NECAB1: variants seen among roughly 807,000 people sequenced by gnomAD.
NECAB1 encodes the protein N-terminal EF-hand calcium-binding protein 1.
Under a neutral mutation model 57.5 loss-of-function variants are expected in NECAB1, and 29 were observed. That is an observed-to-expected ratio of 0.50 (90% CI 0.38 to 0.69). The LOEUF (loss-of-function observed/expected upper bound fraction) is 0.69, where lower values mean the gene tolerates loss of function less well. Among genes scored for constraint, NECAB1 ranks in the 30% least tolerant of loss-of-function variants. The probability of loss-of-function intolerance (pLI) is 0.00; values close to 1 mark genes in which losing one functional copy is unlikely to be tolerated. For missense variants in NECAB1, 372 were observed against 413.8 expected (o/e 0.90, Z 0.88); for synonymous variants, 142 against 147.7 (o/e 0.96, Z 0.28).
At chr8:90,813,129 A>G (rs1346943933) in intron 2 of NECAB1, 2 of 152,172 alleles carry the variant, frequency 1.3e-5, no homozygotes, top group Non-Finnish European at 2.9e-5. Context: ...CGGAGCTTTC[A>G]GTGAGCTGAG....
intron 5 of NECAB1, among the ~76,000 whole-genome samples, chr8:90,911,811 C>T (rs1298689987): frequency 6.6e-6 from 1 of 152,084 alleles, no homozygotes; most frequent in Non-Finnish European, 1.5e-5. Context: ...GTCCATTACA[C>T]TTTATAATAT....
At chr8:90,906,883 A>ATATATATGTGTATATATATATATGTATG (rs1554574053) in intron 5 of NECAB1, among the ~76,000 whole-genome samples, 5 of 80,758 alleles carry the variant, frequency 6.2e-5, no homozygotes, top group South Asian at 4.0e-4. Context: ...ACACATATAT[A>ATATATATGTGTATATATATATATGTATG]TATATATATA....
At chr8:90,855,702 A>G (rs998496511) in intron 3 of NECAB1, among the ~76,000 whole-genome samples, 1 of 152,198 alleles carries the variant, frequency 6.6e-6, no homozygotes, top group Non-Finnish European at 1.5e-5. Context: ...GGCTCACAAT[A>G]CCATGACTGT....
chr8:90,866,473 C>T (rs1295210568), intron 3 of NECAB1, among the ~76,000 whole-genome samples: 1 of 152,074 alleles, frequency 6.6e-6, no homozygotes, highest in African/African-American at 2.4e-5. Context: ...TTCTTCTGCA[C>T]TGGTAATATT....
intron 10 of NECAB1, among the ~76,000 whole-genome samples, chr8:90,945,646 G>A (rs1810788629): frequency 6.6e-6 from 1 of 152,150 alleles, no homozygotes; most frequent in South Asian, 2.1e-4. Flanking sequence ...CATGGGGAAG[G>A]AAGAAGCCAA....
intron 1 of NECAB1, among the ~76,000 whole-genome samples, chr8:90,793,458 C>A (rs1811609983): frequency 6.6e-6 from 1 of 152,152 alleles, no homozygotes. Flanking sequence ...CCTTATCCTT[C>A]ATGAGCATTT....
rs191335235 is a variant in NECAB1, at chr8:90,834,854, C to T, written c.233+10029C>T. Among the ~76,000 whole-genome samples, 563 of 152,116 alleles carry T rather than the reference C, an allele frequency of 3.7e-3. 2 individuals are homozygous for T. The highest frequency in any genetic ancestry group is 0.013 in the African/African-American group (526 of 41,526). ...AACTCTTGCTTTTAGATTTCTTTTCCTTTTCTACCCTCTATCCTTATACTA... is the reference window on the plus strand; with the variant it reads ...AACTCTTGCTTTTAGATTTCTTTTCTTTTTCTACCCTCTATCCTTATACTA... On this transcript the variant is annotated intron_variant, in intron 3 of 12. Transcript: ENST00000417640.
chr8:90,931,000 GA>G (rs2130193537), intron 8 of NECAB1, among the ~76,000 whole-genome samples: 1 of 122,362 alleles, frequency 8.2e-6, no homozygotes, highest in South Asian at 2.4e-4. Context: ...ATTTTTAAAG[GA>G]ATGGCTCAAA....
In NECAB1 at chr8:90,791,784, C is replaced by T. The variant is rs1811576236; in HGVS notation, c.-103C>T. The T allele has an allele frequency of 4.5e-6, 4 of 888,426 alleles. No homozygotes were observed. The highest frequency in any genetic ancestry group is 1.7e-5 in the African/African-American group (1 of 58,412). 55.0% of individuals were successfully genotyped at this position (888,426 alleles called of 1,614,324 possible). ...CGCGGGAGCGAACACCCTCCCGGATCCAGAGCCCGGCGGCGGCGAAGCAGC... is the reference window on the plus strand; with the variant it reads ...CGCGGGAGCGAACACCCTCCCGGATTCAGAGCCCGGCGGCGGCGAAGCAGC... On this transcript the variant is annotated 5_prime_UTR_variant, in exon 1 of 13. Coordinates refer to ENST00000417640, the MANE Select transcript of NECAB1 (RefSeq NM_022351.5).
chr8:90,824,919 G>A, intron 3 of NECAB1, 94 bp downstream of exon 3: 2 of 581,410 alleles, frequency 3.4e-6, no homozygotes, highest in Non-Finnish European at 5.6e-6. Context: ...GAACAATATA[G>A]AGGGTATATT....
intron 5 of NECAB1, among the ~76,000 whole-genome samples, chr8:90,883,370 A>G (rs1207741937): frequency 1.3e-5 from 2 of 152,246 alleles, no homozygotes; most frequent in African/African-American, 4.8e-5. Context: ...TGTTGAATAG[A>G]CATCTTCACG....
intron 3 of NECAB1, among the ~76,000 whole-genome samples, chr8:90,868,922 T>C (rs930294571): frequency 1.3e-5 from 2 of 152,248 alleles, no homozygotes; most frequent in African/African-American, 2.4e-5. Context: ...CCTCCCATCA[T>C]AGGCCTGGAG....
At chr8:90,897,686 C>A (rs905302179) in intron 5 of NECAB1, among the ~76,000 whole-genome samples, 2 of 152,168 alleles carry the variant, frequency 1.3e-5, no homozygotes, top group African/African-American at 4.8e-5. Context: ...TTTCAAAGAG[C>A]AGTCAAATAA....
At chr8:90,879,724 T>C (rs6999838) in intron 4 of NECAB1, among the ~76,000 whole-genome samples, 66,157 of 151,902 alleles carry the variant, frequency 0.44, 16,847 homozygotes, top group East Asian at 0.77. Context: ...AAGTTAGACA[T>C]ATTTGTCAAC....
chr8:90,944,466 T>C (rs987790974), intron 10 of NECAB1, among the ~76,000 whole-genome samples: 1 of 152,218 alleles, frequency 6.6e-6, no homozygotes, highest in African/African-American at 2.4e-5. Context: ...CATTGTTTGA[T>C]ACAACACATA....
chr8:90,933,884 A>C lies in NECAB1; in HGVS notation c.694-420A>C, dbSNP rs560409851. Among the ~76,000 whole-genome samples the C allele has an allele frequency of 1.1e-4, 16 of 152,320 alleles. No individual in the cohort carries two copies. The South Asian group carries it at 3.3e-3, about 32-fold the overall frequency. On this transcript the variant is annotated intron_variant, in intron 8 of 12. Coordinates refer to ENST00000417640, the MANE Select transcript of NECAB1 (RefSeq NM_022351.5). Reference sequence around the variant, plus strand: ...TATAAATGTATTGTAACAATAGACTAATGTTTATAATGATGTCCCAAGAAA... The same window carrying C: ...TATAAATGTATTGTAACAATAGACTCATGTTTATAATGATGTCCCAAGAAA...
intron 10 of NECAB1, among the ~76,000 whole-genome samples, chr8:90,947,793 T>C (rs111256826): frequency 2.6e-5 from 4 of 152,348 alleles, no homozygotes; most frequent in Admixed American, 6.5e-5. Context: ...GTGGCACAGC[T>C]AATAAATGGT....
chr8:90,816,268 A>G (rs1317493124), intron 2 of NECAB1, among the ~76,000 whole-genome samples: 1 of 151,760 alleles, frequency 6.6e-6, no homozygotes, highest in African/African-American at 2.4e-5. Flanking sequence ...TTATTCAGAT[A>G]TGGGTTTCGC....
intron 10 of NECAB1, among the ~76,000 whole-genome samples, chr8:90,943,124 G>T (rs1209341312): frequency 6.6e-6 from 1 of 152,164 alleles, no homozygotes; most frequent in Non-Finnish European, 1.5e-5. Flanking sequence ...CGAGCTACTA[G>T]AACAGCCCCA....
Sources: gnomAD v4.1 joint callset for allele counts (sites outside exome capture counted in the v4.1 genomes callset) on GRCh38, gnomAD v4.1.1 for gene constraint, MANE v1.5 for transcripts, NCBI Gene and HGNC (gene_info 2026-07-23, HGNC 2026-07-21) for gene names.